SLC4A4: variants seen among roughly 807,000 people sequenced by gnomAD.
The protein encoded by SLC4A4 is electrogenic sodium bicarbonate cotransporter 1.
Under a neutral mutation model 111.5 loss-of-function variants are expected in SLC4A4, and 27 were observed. The observed-to-expected ratio is 0.24, with a 90% CI of 0.18 to 0.33. SLC4A4 has a LOEUF of 0.33. Among genes scored for constraint, SLC4A4 ranks in the 10% least tolerant of loss-of-function variants. The pLI, the probability that SLC4A4 is intolerant of heterozygous loss-of-function variation, is 1.00. For missense variants in SLC4A4, 909 were observed against 1,315.5 expected, an observed-to-expected ratio of 0.69 and a Z score of 4.78; for synonymous variants, 443 against 463.4, an observed-to-expected ratio of 0.96 and a Z score of 0.57.
chr4:71,269,677 T>C (rs941163143), intron 3 of SLC4A4, among the ~76,000 whole-genome samples: 3 of 152,244 alleles, frequency 2.0e-5, no homozygotes, highest in African/African-American at 7.2e-5. Context: ...AAGGCTGTCA[T>C]GTCCATGATT....
intron 7 of SLC4A4, among the ~76,000 whole-genome samples, chr4:71,416,916 A>G (rs1721875866): frequency 6.6e-6 from 1 of 152,270 alleles, no homozygotes; most frequent in South Asian, 2.1e-4. Context: ...CCACTTCAGC[A>G]GGGAATTTTT....
At chr4:71,096,906 C>T (rs1459548248) in intron 2 of SLC4A4, among the ~76,000 whole-genome samples, 1 of 152,130 alleles carries the variant, frequency 6.6e-6, no homozygotes, top group Non-Finnish European at 1.5e-5. Flanking sequence ...ATCATCACCT[C>T]CAAAAAAGCT....
chr4:71,147,083 G>A (rs1744195686), intron 2 of SLC4A4, among the ~76,000 whole-genome samples: 1 of 152,124 alleles, frequency 6.6e-6, no homozygotes, highest in South Asian at 2.1e-4. Flanking sequence ...GGCAGGGGTT[G>A]CAATCCTAGT....
rs1354222112 is a variant in SLC4A4, at chr4:71,479,693, T to C, written c.1903+6723T>C. Among the ~76,000 whole-genome samples, 4 of 151,944 alleles carry C rather than the reference T, an allele frequency of 2.6e-5. No homozygotes were observed. The East Asian group carries it at 7.8e-4, about 30-fold the overall frequency. On this transcript the variant is annotated intron_variant, in intron 14 of 25. Transcript: ENST00000264485. ...CAAGGAAGTATAAGTTCTTCTGCTG[T>C]AGCATCCCTCAGGCTTGCATTTGTG...
At chr4:71,160,071 C>A (rs1744579339) in intron 2 of SLC4A4, among the ~76,000 whole-genome samples, 1 of 149,188 alleles carries the variant, frequency 6.7e-6, no homozygotes, top group African/African-American at 2.4e-5. Flanking sequence ...AATTCATGTA[C>A]TTTTTACATC....
At chr4:71,436,556 A>T (rs1724164795) in intron 7 of SLC4A4, among the ~76,000 whole-genome samples, 1 of 152,206 alleles carries the variant, frequency 6.6e-6, no homozygotes, top group Non-Finnish European at 1.5e-5. Flanking sequence ...TTAAAGTATA[A>T]AAAATACTTT....
chr4:71,356,833 A>C (rs182943264), intron 5 of SLC4A4, among the ~76,000 whole-genome samples, 175 bp from the exon 6 acceptor site: 1 of 152,204 alleles, frequency 6.6e-6, no homozygotes, highest in Non-Finnish European at 1.5e-5. Flanking sequence ...TCTCTCATCA[A>C]TGCCCATATC....
chr4:71,435,885 G>A (rs910041722), intron 7 of SLC4A4, among the ~76,000 whole-genome samples: 24 of 152,120 alleles, frequency 1.6e-4, no homozygotes, highest in Admixed American at 2.6e-4. Context: ...TTAGAATGGC[G>A]ATCATTAAAA....
intron 6 of SLC4A4, among the ~76,000 whole-genome samples, chr4:71,369,913 AAATG>A (rs1731703419): frequency 6.6e-6 from 1 of 152,238 alleles, no homozygotes; most frequent in Non-Finnish European, 1.5e-5. Context: ...ATGATAAGTG[AAATG>A]AATGAAAATA....
chr4:71,197,592 C>T (rs1158373621), intron 1 of SLC4A4, among the ~76,000 whole-genome samples: 1 of 152,050 alleles, frequency 6.6e-6, no homozygotes, highest in Non-Finnish European at 1.5e-5. Context: ...ACTTAGCTTC[C>T]CCCAATGAAC....
chr4:71,497,109 A>G (rs1486612709), intron 15 of SLC4A4, among the ~76,000 whole-genome samples: 3 of 152,138 alleles, frequency 2.0e-5, no homozygotes, highest in Non-Finnish European at 4.4e-5. Context: ...GCTGTGCCTT[A>G]CAAAGGTAAG....
intron 3 of SLC4A4, among the ~76,000 whole-genome samples, chr4:71,302,279 A>T (rs1009070963): frequency 1.3e-5 from 2 of 152,180 alleles, no homozygotes; most frequent in African/African-American, 4.8e-5. Flanking sequence ...AAAAATCTTG[A>T]TTCTGCTAGT....
chr4:71,145,929 T>G (rs530998434), intron 2 of SLC4A4, among the ~76,000 whole-genome samples: 1 of 152,304 alleles, frequency 6.6e-6, no homozygotes, highest in Admixed American at 6.5e-5. Flanking sequence ...TTGAAGGGTT[T>G]TTTGTGTCTC....
chr4:71,502,624 A>G (rs1485260581), intron 16 of SLC4A4, among the ~76,000 whole-genome samples: 1 of 152,138 alleles, frequency 6.6e-6, no homozygotes, highest in African/African-American at 2.4e-5. Context: ...ATAAACTTCC[A>G]TGTGTTTGTA....
intron 2 of SLC4A4, among the ~76,000 whole-genome samples, chr4:71,134,184 G>C (rs1743783440): frequency 6.6e-6 from 1 of 152,112 alleles, no homozygotes; most frequent in Non-Finnish European, 1.5e-5. Flanking sequence ...AAAATATGAG[G>C]TTCTATTGAA....
At chr4:71,533,079 A>G (rs893695368) in intron 17 of SLC4A4, among the ~76,000 whole-genome samples, 2 of 152,104 alleles carry the variant, frequency 1.3e-5, no homozygotes, top group South Asian at 2.1e-4. Flanking sequence ...CTGAGATCAT[A>G]TATTTGCTAA....
At chr4:71,325,322 A>C (rs916645059) in intron 3 of SLC4A4, among the ~76,000 whole-genome samples, 23 of 152,138 alleles carry the variant, frequency 1.5e-4, no homozygotes, top group African/African-American at 5.3e-4. Flanking sequence ...AACCTGTTAA[A>C]ATGGAATAAT....
At chr4:71,436,163 G>T (rs1002907520) in intron 7 of SLC4A4, among the ~76,000 whole-genome samples, 1 of 152,152 alleles carries the variant, frequency 6.6e-6, no homozygotes, top group African/African-American at 2.4e-5. Flanking sequence ...CAATCCAAAT[G>T]CCTATAAATG....
chr4:71,228,958 G>C (rs1247962143), intron 1 of SLC4A4, among the ~76,000 whole-genome samples: 2 of 151,958 alleles, frequency 1.3e-5, no homozygotes, highest in African/African-American at 2.4e-5. Context: ...TCTGTATTAA[G>C]TTCTATACGA....
Sources: gnomAD v4.1 joint callset for allele counts (sites outside exome capture counted in the v4.1 genomes callset) on GRCh38, gnomAD v4.1.1 for gene constraint, MANE v1.5 for transcripts, NCBI Gene and HGNC (gene_info 2026-07-23, HGNC 2026-07-21) for gene names.